RBFOX3: variants seen among roughly 807,000 people sequenced by gnomAD.
RBFOX3 encodes RNA binding fox-1 homolog 3.
Under a neutral mutation model 48.7 loss-of-function variants are expected in RBFOX3, and 17 were observed. The ratio of observed to expected loss-of-function variants is 0.35; its 90% CI spans 0.24 to 0.52. The LOEUF is 0.52. RBFOX3 is among the 20% of genes least tolerant of loss of function. The probability of loss-of-function intolerance (pLI) is 0.94; values close to 1 mark genes in which losing one functional copy is unlikely to be tolerated. For missense variants in RBFOX3, 382 were observed against 497.5 expected, an observed-to-expected ratio of 0.77 and a Z score of 2.21; for synonymous variants, 212 against 209.5, an observed-to-expected ratio of 1.01 and a Z score of -0.10.
chr17:79,515,692 G>A (rs914758550), intron 1 of RBFOX3, among the ~76,000 whole-genome samples: 20 of 152,194 alleles, frequency 1.3e-4, no homozygotes, highest in Non-Finnish European at 1.2e-4. Flanking sequence ...CCTCCTCAAG[G>A]AGGTATCTGC....
intron 2 of RBFOX3, among the ~76,000 whole-genome samples, chr17:79,437,446 G>A (rs2069767104): frequency 6.6e-6 from 1 of 152,230 alleles, no homozygotes; most frequent in African/African-American, 2.4e-5. Flanking sequence ...TGAGCTGCCT[G>A]TCACCGTCAC....
intron 1 of RBFOX3, among the ~76,000 whole-genome samples, chr17:79,539,836 A>G (rs1474338197): frequency 6.6e-6 from 1 of 152,186 alleles, no homozygotes; most frequent in Non-Finnish European, 1.5e-5. Context: ...AGATTTAGGG[A>G]ATAAGAACAT....
At chr17:79,131,699 T>C (rs2038956968) in intron 4 of RBFOX3, among the ~76,000 whole-genome samples, 1 of 152,216 alleles carries the variant, frequency 6.6e-6, no homozygotes, top group African/African-American at 2.4e-5. Context: ...AAGACCATTA[T>C]TGGAAGAAGG....
intron 2 of RBFOX3, among the ~76,000 whole-genome samples, chr17:79,337,319 T>C (rs2081348252): frequency 6.6e-6 from 1 of 152,170 alleles, no homozygotes; most frequent in South Asian, 2.1e-4. Context: ...CCTTGGCATC[T>C]CTGGCACCAC....
rs2077334239 is a variant in RBFOX3, at chr17:79,473,713, C to T, written c.-175+8741G>A. Among the ~76,000 whole-genome samples, 1 of 152,188 alleles carries T rather than the reference C, an allele frequency of 6.6e-6. No homozygotes were observed. Among genetic ancestry groups the T allele is most frequent in the African/African-American group, 2.4e-5 (1 of 41,438 alleles). ...CCAGCCATTACTCAGCAATGCTCAG[C>T]AATGCAAGGTCACTCAGAAACACCA... is the stretch of plus-strand genomic sequence containing the variant. On this transcript the variant is annotated intron_variant, in intron 2 of 14. Coordinates refer to ENST00000693108, the MANE Select transcript of RBFOX3 (RefSeq NM_001350451.2). This position sits in a 1 kb window ranked among gnomAD's most constrained non-coding sequence, Gnocchi z 4.2.
chr17:79,246,839 G>A (rs879789074), intron 3 of RBFOX3, among the ~76,000 whole-genome samples: 5 of 152,130 alleles, frequency 3.3e-5, no homozygotes, highest in Non-Finnish European at 5.9e-5. Context: ...GCCCATGTGT[G>A]GCTGTGAGCA....
intron 2 of RBFOX3, among the ~76,000 whole-genome samples, chr17:79,312,703 A>G (rs34920683): frequency 0.015 from 2,291 of 152,286 alleles, 22 homozygotes; most frequent in Middle Eastern, 0.037. Context: ...CTTCATGCAC[A>G]TAAAAAGACC....
chr17:79,150,035 T>TGGGGTGGGGGGTGAGGGTGGGGGGG (rs2044032911), intron 4 of RBFOX3, among the ~76,000 whole-genome samples: 1 of 7,914 alleles, frequency 1.3e-4, no homozygotes, highest in Admixed American at 1.5e-3. Flanking sequence ...GGGTGGGGGG[T>TGGGGTGGGGGGTGAGGGTGGGGGGG]GGGGGTGGGG....
intron 4 of RBFOX3, among the ~76,000 whole-genome samples, chr17:79,153,460 C>T (rs990477388): frequency 2.6e-5 from 4 of 152,164 alleles, no homozygotes; most frequent in South Asian, 2.1e-4. Context: ...AGCTAAGCCT[C>T]GGTGTCAGGG....
At chr17:79,389,122 C>T (rs2060990718) in intron 2 of RBFOX3, among the ~76,000 whole-genome samples, 1 of 152,288 alleles carries the variant, frequency 6.6e-6, no homozygotes, top group South Asian at 2.1e-4. Flanking sequence ...TGGCAAGCAC[C>T]GCGTCACAGG....
At chr17:79,453,196 G>A (rs112193900) in intron 2 of RBFOX3, among the ~76,000 whole-genome samples, 2 of 152,256 alleles carry the variant, frequency 1.3e-5, no homozygotes, top group African/African-American at 2.4e-5. Flanking sequence ...CGGAGCTGAA[G>A]AGTGCGTGTT....
At chr17:79,431,737 G>A (rs889202232) in intron 2 of RBFOX3, among the ~76,000 whole-genome samples, 18 of 152,198 alleles carry the variant, frequency 1.2e-4, no homozygotes, top group East Asian at 5.8e-4. Context: ...CTCCTGCCTC[G>A]GCCTCCCAAA....
chr17:79,559,633 A>G (rs1299757496), intron 1 of RBFOX3, among the ~76,000 whole-genome samples: 3,189 of 46,150 alleles, frequency 0.069, 170 homozygotes, highest in African/African-American at 0.15. Context: ...GGATGGGTGG[A>G]TGGTGAATAG....
chr17:79,227,960 C>A (rs573173239), intron 4 of RBFOX3, among the ~76,000 whole-genome samples: 1 of 152,310 alleles, frequency 6.6e-6, no homozygotes, highest in African/African-American at 2.4e-5. Context: ...TGGACCTCCC[C>A]CTACGAATCC....
intron 2 of RBFOX3, among the ~76,000 whole-genome samples, chr17:79,412,442 ATG>A (rs2064554906): frequency 6.6e-6 from 1 of 150,932 alleles, no homozygotes; most frequent in Non-Finnish European, 1.5e-5. Flanking sequence ...TGTGTGTGAT[ATG>A]TGTGAGCGTA....
intron 1 of RBFOX3, among the ~76,000 whole-genome samples, chr17:79,608,087 G>A (rs1385805668): frequency 6.6e-6 from 1 of 152,190 alleles, no homozygotes; most frequent in Admixed American, 6.5e-5. Flanking sequence ...CCCTGGGACC[G>A]TGTCAGAGGA....
intron 4 of RBFOX3, among the ~76,000 whole-genome samples, chr17:79,116,017 C>A (rs1002865075): frequency 6.6e-6 from 1 of 152,152 alleles, no homozygotes; most frequent in African/African-American, 2.4e-5. Flanking sequence ...GGTACAAGAA[C>A]AACTGAAGGG....
chr17:79,315,721 G>A (rs1433049010), intron 2 of RBFOX3, among the ~76,000 whole-genome samples: 1 of 152,346 alleles, frequency 6.6e-6, no homozygotes, highest in East Asian at 1.9e-4. Flanking sequence ...AATAAGCCTG[G>A]CGTTTCTGCG....
In RBFOX3 at chr17:79,357,574, T is replaced by C. The variant is rs541855760; in HGVS notation, c.-174-49750A>G. ...TGAACCCAGGAGGTGGAGGTTGCAG[T>C]GAGCCGAGATTGCACCACTGCACTC... On this transcript the variant is annotated intron_variant, in intron 2 of 14. Coordinates refer to ENST00000693108, the MANE Select transcript of RBFOX3 (RefSeq NM_001350451.2). Among the ~76,000 whole-genome samples the C allele has an allele frequency of 4.3e-3, 662 of 152,232 alleles. 7 individuals are homozygous for C. Among genetic ancestry groups the C allele is most frequent in the African/African-American group, 0.015 (629 of 41,528 alleles).
Sources: allele counts gnomAD v4.1 joint callset (sites outside exome capture counted in the v4.1 genomes callset), GRCh38; gene constraint gnomAD v4.1.1; non-coding constraint Gnocchi (gnomAD v3.1); transcripts MANE v1.5; gene names NCBI Gene and HGNC (gene_info 2026-07-23, HGNC 2026-07-21).